Variants in STX17 observed in about 807,000 individuals in gnomAD.
STX17 encodes the protein syntaxin-17.
A neutral mutation model predicts 35.9 loss-of-function variants in STX17; 29 were observed. That is an observed-to-expected ratio of 0.81 (90% CI 0.60 to 1.10). STX17 has a LOEUF of 1.10. STX17 is among the 50% of genes least tolerant of loss of function. The pLI, the probability that STX17 is intolerant of heterozygous loss-of-function variation, is 0.00. For synonymous variants in STX17, 92 were observed against 118.3 expected (o/e 0.78, Z 1.44); for missense variants, 312 against 352.3 (o/e 0.89, Z 0.92).
chr9:99,959,789 A>G lies in STX17; in HGVS notation c.416-128A>G, dbSNP rs539592479. ...CAATTCTATTTTTGTAGAATAATCAATTTCCTTTTAGCCTAAATTTAATTA... is the reference window on the plus strand; with the variant it reads ...CAATTCTATTTTTGTAGAATAATCAGTTTCCTTTTAGCCTAAATTTAATTA... On this transcript the variant is annotated intron_variant, in intron 4 of 7. Transcript: ENST00000259400. 5 of 737,744 alleles carry G rather than the reference A, an allele frequency of 6.8e-6. No individual in the cohort carries two copies. The East Asian group carries it at 8.1e-5, about 12-fold the overall frequency. The allele number at this position is 737,744 out of a possible 1,614,324, so 45.7% of individuals were successfully genotyped here.
At chr9:99,912,609 A>G (rs1328457819) in intron 1 of STX17, among the ~76,000 whole-genome samples, 2 of 152,228 alleles carry the variant, frequency 1.3e-5, no homozygotes, top group East Asian at 3.8e-4. Flanking sequence ...TATAGGCAGC[A>G]GTATGGATTT....
intron 1 of STX17, among the ~76,000 whole-genome samples, chr9:99,908,787 G>A (rs2118280009): frequency 6.6e-6 from 1 of 152,236 alleles, no homozygotes; most frequent in South Asian, 2.1e-4. Context: ...GATGCTCATT[G>A]CTACTGGGGT....
At chr9:99,919,207 A>G (rs1828845169) in intron 2 of STX17, among the ~76,000 whole-genome samples, 1 of 151,832 alleles carries the variant, frequency 6.6e-6, no homozygotes, top group Non-Finnish European at 1.5e-5. Flanking sequence ...CTTTCAACCA[A>G]TCCTTTTGCT....
intron 2 of STX17, among the ~76,000 whole-genome samples, chr9:99,919,187 A>C (rs971836858): frequency 6.6e-6 from 1 of 152,278 alleles, no homozygotes; most frequent in South Asian, 2.1e-4. Context: ...CTACCCGTTC[A>C]TTACATAAAC....
chr9:99,957,920 T>A (rs1264538946), intron 4 of STX17, among the ~76,000 whole-genome samples: 1 of 152,100 alleles, frequency 6.6e-6, no homozygotes, highest in Non-Finnish European at 1.5e-5. Context: ...TTTGTCACCT[T>A]CCAACTGCAT....
chr9:99,911,025 G>A (rs996396160), intron 1 of STX17, among the ~76,000 whole-genome samples: 16 of 151,676 alleles, frequency 1.1e-4, no homozygotes, highest in Admixed American at 8.5e-4. Context: ...TAAATGACAG[G>A]ATTTCATTCT....
At chr9:99,960,938 G>C (rs570627158) in intron 6 of STX17, among the ~76,000 whole-genome samples, 1 of 152,230 alleles carries the variant, frequency 6.6e-6, no homozygotes, top group Non-Finnish European at 1.5e-5. Context: ...CAGGTAGACA[G>C]TATTTGTATG....
At chr9:99,919,395 AAC>A (rs1268415818) in intron 2 of STX17, among the ~76,000 whole-genome samples, 1 of 152,024 alleles carries the variant, frequency 6.6e-6, no homozygotes, top group Admixed American at 6.6e-5. Context: ...AGACATGAAC[AAC>A]CATGCTTGGC....
At chr9:99,936,324 G>A (rs921354250) in intron 3 of STX17, among the ~76,000 whole-genome samples, 1 of 152,132 alleles carries the variant, frequency 6.6e-6, no homozygotes, top group Non-Finnish European at 1.5e-5. Context: ...ATTCCCACCA[G>A]TTCCTCCATT....
At chr9:99,937,133 C>G (rs1433193817) in intron 3 of STX17, among the ~76,000 whole-genome samples, 2 of 152,128 alleles carry the variant, frequency 1.3e-5, no homozygotes, top group Non-Finnish European at 2.9e-5. Context: ...TAATTCTTAT[C>G]ATTGTTCCTT....
At chr9:99,916,108 A>G (rs1267573319) in intron 2 of STX17, 3 of 455,170 alleles carry the variant, frequency 6.6e-6, no homozygotes, top group Non-Finnish European at 1.3e-5. Context: ...CTTACTTCAC[A>G]GCTTCCCTTT....
intron 4 of STX17, among the ~76,000 whole-genome samples, chr9:99,953,549 C>T (rs1006494003): frequency 1.3e-5 from 2 of 151,920 alleles, no homozygotes; most frequent in Non-Finnish European, 2.9e-5. Flanking sequence ...GGTTGAAGGC[C>T]GTTTTTATCA....
In STX17 at chr9:99,928,807, G is replaced by T; in HGVS notation, c.153G>T (p.Leu51Phe). 6.2e-7 allele frequency: 1 copy of T among 1,613,600 alleles called. No individual in the cohort carries two copies. The highest frequency in any genetic ancestry group is 8.5e-7 in the Non-Finnish European group (1 of 1,179,704). Residue 51 changes from leucine to phenylalanine, a missense_variant, in exon 3 of 8, where the codon TTG (leucine) becomes TTT (phenylalanine). Leu to Phe is a conservative substitution (Grantham distance 22). Coordinates refer to ENST00000259400, the MANE Select transcript of STX17 (RefSeq NM_017919.3). The part of the protein sequence containing the change: ...KYQRCRIWDK[L>F]HEEHINAGRT... ...AAAGGTGCAGAATCTGGGACAAGTT[G>T]CATGAAGAGCATATCAATGCAGGAC...
rs930136296 is a variant in STX17, at chr9:99,973,845, C to T, written c.*5172C>T. Among the ~76,000 whole-genome samples, 2 of 152,142 alleles carry T rather than the reference C, an allele frequency of 1.3e-5. No homozygotes were observed. Among genetic ancestry groups the T allele is most frequent in the Admixed American group, 6.5e-5 (1 of 15,270 alleles). The stretch of plus-strand genomic sequence containing the variant: ...TTAGATTGGCATTCACAGCCTTCTA[C>T]GTTCTGGCCCCAGCTTTATCTCTTG... On this transcript the variant is annotated 3_prime_UTR_variant, in exon 8 of 8. Coordinates refer to ENST00000259400, the MANE Select transcript of STX17 (RefSeq NM_017919.3).
chr9:99,948,339 ATAT>A (rs1182891185), intron 3 of STX17, among the ~76,000 whole-genome samples: 4 of 152,128 alleles, frequency 2.6e-5, no homozygotes, highest in South Asian at 4.1e-4. Context: ...GTTAAATAAA[ATAT>A]TATTAAAATT....
chr9:99,923,894 G>C (rs1828937995), intron 2 of STX17, among the ~76,000 whole-genome samples: 1 of 152,160 alleles, frequency 6.6e-6, no homozygotes, highest in African/African-American at 2.4e-5. Context: ...ATGAGGGAAT[G>C]GGTGCAGAGC....
chr9:99,910,641 G>T (rs1225295471), intron 1 of STX17, among the ~76,000 whole-genome samples: 2 of 151,946 alleles, frequency 1.3e-5, no homozygotes, highest in East Asian at 3.8e-4. Flanking sequence ...AGGGTATTTG[G>T]GATATATATC....
intron 1 of STX17, chr9:99,914,011 C>T (rs542695596): frequency 7.1e-6 from 1 of 141,758 alleles, no homozygotes; most frequent in African/African-American, 2.7e-5. Context: ...TGGCATGTTG[C>T]CCAGGCTGGC....
At chr9:99,950,270 A>T (rs1829566989) in intron 3 of STX17, among the ~76,000 whole-genome samples, 1 of 151,952 alleles carries the variant, frequency 6.6e-6, no homozygotes, top group Admixed American at 6.6e-5. Context: ...GAAATAGGCA[A>T]TCATACCTTG....
Sources: allele counts gnomAD v4.1 joint callset (sites outside exome capture counted in the v4.1 genomes callset), GRCh38; gene constraint gnomAD v4.1.1; transcripts MANE v1.5; gene names NCBI Gene and HGNC (gene_info 2026-07-23, HGNC 2026-07-21).